The following SLC2A9 variants were observed in gnomAD, a reference collection of about 807,000 sequenced individuals.
The protein encoded by SLC2A9 is solute carrier family 2 member 9, also known as solute carrier family 2, facilitated glucose transporter member 9.
In SLC2A9, 39 loss-of-function variants were observed where a neutral mutation model predicts 50.6. The observed-to-expected ratio is 0.77, with a 90% CI of 0.60 to 1.01. SLC2A9 has a LOEUF of 1.01. Among genes scored for constraint, SLC2A9 ranks in the 50% least tolerant of loss-of-function variants. The pLI, the probability that SLC2A9 is intolerant of heterozygous loss-of-function variation, is 0.00. For missense variants in SLC2A9, 686 were observed against 677.6 expected (o/e 1.01, Z -0.14); for synonymous variants, 324 against 276.9 (o/e 1.17, Z -1.69).
At chr4:10,018,587 G>GATAGATAGATA (rs1206845765) in intron 2 of SLC2A9, among the ~76,000 whole-genome samples, 2 of 128,078 alleles carry the variant, frequency 1.6e-5, no homozygotes, top group South Asian at 2.8e-4. Context: ...TAGATAGATA[G>GATAGATAGATA]ATAACAACAA....
At chr4:9,787,059 T>C (rs1719318763) in intron 3 of SLC2A9, among the ~76,000 whole-genome samples, 1 of 152,210 alleles carries the variant, frequency 6.6e-6, no homozygotes. Flanking sequence ...GAAGTTTGGC[T>C]CCACCATTTA....
chr4:9,980,897 C>A (rs1327301367), intron 4 of SLC2A9, among the ~76,000 whole-genome samples, 160 bp from the exon 5 acceptor site: 1 of 152,184 alleles, frequency 6.6e-6, no homozygotes, highest in Non-Finnish European at 1.5e-5. Context: ...CAAAGCTTTC[C>A]CATGAACTTT....
At chr4:9,931,327 C>T (rs755454708) in intron 6 of SLC2A9, among the ~76,000 whole-genome samples, 29 of 152,176 alleles carry the variant, frequency 1.9e-4, no homozygotes, top group Non-Finnish European at 3.8e-4. Context: ...TGAGAAATTG[C>T]ATTTCCCAAC....
chr4:9,847,358 AACTC>A (rs879811209), intron 10 of SLC2A9, among the ~76,000 whole-genome samples: 12 of 152,306 alleles, frequency 7.9e-5, no homozygotes, highest in Admixed American at 5.2e-4. Context: ...ATCTCATGAG[AACTC>A]ACTCACTATC....
At chr4:9,878,642 A>G (rs1734679652) in intron 10 of SLC2A9, among the ~76,000 whole-genome samples, 1 of 151,972 alleles carries the variant, frequency 6.6e-6, no homozygotes, top group Admixed American at 6.6e-5. Flanking sequence ...TGTAATTGTA[A>G]GTAGGGCACT....
downstream of SLC2A9, among the ~76,000 whole-genome samples, chr4:9,825,393 G>C (rs1377363392): frequency 2.0e-5 from 3 of 152,156 alleles, no homozygotes; most frequent in African/African-American, 7.2e-5. Context: ...TGAGCACTTT[G>C]AGTGATGGTG....
intron 3 of SLC2A9, among the ~76,000 whole-genome samples, chr4:9,799,692 A>ACCCCCCCCCCCCCCCCCCCCCCC (rs57223650): frequency 5.7e-5 from 4 of 69,864 alleles, no homozygotes; most frequent in Admixed American, 1.9e-4. Context: ...TTCCAATTGT[A>ACCCCCCCCCCCCCCCCCCCCCCC]CCCCCCCCCC....
intron 3 of SLC2A9, among the ~76,000 whole-genome samples, chr4:9,802,268 C>CT (rs35424269): frequency 0.47 from 68,850 of 146,992 alleles, 18,911 homozygotes; most frequent in Non-Finnish European, 0.64. Flanking sequence ...GAAAAATGCT[C>CT]TTTTTTTTTT....
intron 8 of SLC2A9, among the ~76,000 whole-genome samples, chr4:9,902,773 C>T (rs532849379): frequency 6.6e-6 from 1 of 152,192 alleles, no homozygotes; most frequent in East Asian, 1.9e-4. Context: ...CCACCCTATT[C>T]CAGTATAACC....
In SLC2A9 at chr4:9,920,369, G is replaced by T. The variant is rs753237840; in HGVS notation, c.1002+16C>A. 15 of 1,613,666 alleles carry T rather than the reference G, an allele frequency of 9.3e-6. 1 individual carries two copies. In the South Asian group the frequency reaches 1.5e-4, roughly 17 times the overall value. On this transcript the variant is annotated intron_variant, in intron 7 of 11. Transcript: ENST00000264784. The stretch of plus-strand genomic sequence containing the variant: ...CTCCAGTCATGCAAGGATGCCCACC[G>T]GGCCCCAGGACTCACTGCATTGAGG...
chr4:9,786,111 G>A (rs536035763), intron 3 of SLC2A9, among the ~76,000 whole-genome samples: 12 of 152,304 alleles, frequency 7.9e-5, no homozygotes, highest in South Asian at 4.1e-4. Flanking sequence ...AAAGAAGAGC[G>A]TCATAGGATT....
At chr4:9,779,242 A>T (rs1364871750), downstream of SLC2A9, among the ~76,000 whole-genome samples, 1 of 151,874 alleles carries the variant, frequency 6.6e-6, no homozygotes, top group Non-Finnish European at 1.5e-5. Flanking sequence ...CTGTGATTCA[A>T]CCCAAAGAGA....
chr4:9,829,582 C>T (rs1239303805), intron 11 of SLC2A9, among the ~76,000 whole-genome samples: 1 of 151,726 alleles, frequency 6.6e-6, no homozygotes, highest in South Asian at 2.1e-4. Context: ...GAACATACAA[C>T]CTACACAATG....
At chr4:9,996,754 C>G (rs1426093521) in intron 3 of SLC2A9, 27 bp downstream of exon 3, 2 of 1,611,692 alleles carry the variant, frequency 1.2e-6, no homozygotes, top group Non-Finnish European at 1.7e-6. Flanking sequence ...GGAGGGCACC[C>G]CCAGATAGAG....
chr4:9,990,973 C>T (rs1400495184), intron 3 of SLC2A9, among the ~76,000 whole-genome samples: 1 of 152,216 alleles, frequency 6.6e-6, no homozygotes, highest in East Asian at 1.9e-4. Context: ...CTTCTAAAGG[C>T]TCAGGGTTGA....
chr4:10,019,292 G>GC lies in SLC2A9; in HGVS notation c.151-220dup, dbSNP rs1763203318. 5.2e-6 allele frequency: 3 copies of GC among 579,728 alleles called. No individual in the cohort carries two copies. In the African/African-American group the frequency reaches 5.6e-5, roughly 11 times the overall value. The allele number at this position is 579,728 out of a possible 1,614,324, so 35.9% of individuals were successfully genotyped here. ...AGGCCGGGCGCCCTCAGGTTTAGCG[G>GC]CCACGCCCTTGCGTTCCTTCCGGGT... On this transcript the variant is annotated intron_variant, in intron 1 of 11. Transcript: ENST00000264784.
chr4:9,869,841 G>A (rs1225494840), intron 10 of SLC2A9, among the ~76,000 whole-genome samples: 1 of 152,234 alleles, frequency 6.6e-6, no homozygotes, highest in Non-Finnish European at 1.5e-5. Context: ...CAGTGCAGTG[G>A]GCTGAGTGGT....
chr4:9,978,648 C>T (rs1258089014), intron 5 of SLC2A9, among the ~76,000 whole-genome samples: 1 of 152,198 alleles, frequency 6.6e-6, no homozygotes, highest in Admixed American at 6.5e-5. Context: ...CTGTTTCTAA[C>T]ACACTCGCAA....
rs143731237 is a variant in SLC2A9 at position 9,843,218 on chromosome 4, AC to A, written c.1292-8211del. On this transcript the variant is annotated intron_variant, in intron 10 of 11. Transcript: ENST00000264784. ...GTCTGAGAATCACAAAGGGGTGTGGACAAAGGGATTTGGGGAAGATAACAAG... is the reference window on the plus strand; with the variant it reads ...GTCTGAGAATCACAAAGGGGTGTGGAAAAGGGATTTGGGGAAGATAACAAG... 9.2e-5 allele frequency among the ~76,000 whole-genome samples: 14 copies of A among 152,306 alleles called. No homozygotes were observed. In the East Asian group the frequency reaches 2.7e-3, roughly 29 times the overall value.
Sources: allele counts gnomAD v4.1 joint callset (sites outside exome capture counted in the v4.1 genomes callset), GRCh38; gene constraint gnomAD v4.1.1; transcripts MANE v1.5; gene names NCBI Gene and HGNC (gene_info 2026-07-23, HGNC 2026-07-21).